DSC2: variants seen among roughly 807,000 people sequenced by gnomAD.
DSC2 encodes desmocollin-2.
A neutral mutation model predicts 87.6 loss-of-function variants in DSC2; 51 were observed. The ratio of observed to expected loss-of-function variants is 0.58; its 90% CI spans 0.46 to 0.74. The LOEUF is 0.74. DSC2 is among the 30% of genes least tolerant of loss of function. The pLI is 0.00. For missense variants in DSC2, 1,066 were observed against 1,089.5 expected, an observed-to-expected ratio of 0.98 and a Z score of 0.30; for synonymous variants, 383 against 393.2, an observed-to-expected ratio of 0.97 and a Z score of 0.31.
chr18:31,091,944 G>T (rs967158775), intron 3 of DSC2, among the ~76,000 whole-genome samples, 157 bp downstream of exon 3: 4 of 152,148 alleles, frequency 2.6e-5, no homozygotes, highest in African/African-American at 9.7e-5. Context: ...ATGTGACACA[G>T]CCCTTTTCCT....
At chr18:31,087,834 G>A in intron 5 of DSC2, 21 bp from the exon 6 acceptor site, 1 of 1,612,536 alleles carries the variant, frequency 6.2e-7, no homozygotes, top group Non-Finnish European at 8.5e-7. Flanking sequence ...AGTAAAATAA[G>A]GAGAAAAGTG....
At chr18:31,092,037 C>A in intron 3 of DSC2, 64 bp downstream of exon 3, 1 of 1,501,464 alleles carries the variant, frequency 6.7e-7, no homozygotes. Flanking sequence ...TCATATCTTC[C>A]CTGGTAATGT....
At chr18:31,070,636 G>T (rs759031428) in intron 14 of DSC2, 90 bp downstream of exon 14, 32 of 1,582,058 alleles carry the variant, frequency 2.0e-5, no homozygotes, top group Non-Finnish European at 2.6e-5. Flanking sequence ...GATACCAAAA[G>T]AACTTTTCTG....
At chr18:31,074,945 T>C (rs1454372534) in intron 11 of DSC2, 38 bp from the exon 12 acceptor site, 18 of 1,566,314 alleles carry the variant, frequency 1.1e-5, no homozygotes, top group African/African-American at 4.1e-5. Flanking sequence ...TTCTATGTTT[T>C]GAGTTTTCAC....
At chr18:31,093,509 T>C (rs576287978) in intron 2 of DSC2, 50 bp downstream of exon 2, 10 of 1,428,460 alleles carry the variant, frequency 7.0e-6, no homozygotes, top group African/African-American at 1.4e-5. Flanking sequence ...CCATGGCGTA[T>C]ATGTACCACA....
chr18:31,076,496 T>C (rs1171572827), intron 11 of DSC2, among the ~76,000 whole-genome samples: 1 of 152,202 alleles, frequency 6.6e-6, no homozygotes, highest in Non-Finnish European at 1.5e-5. Context: ...AAAAGATTAA[T>C]TCATTCTATC....
intron 11 of DSC2, 93 bp downstream of exon 11, chr18:31,079,754 T>A: frequency 6.9e-7 from 1 of 1,441,734 alleles, no homozygotes; most frequent in African/African-American, 1.4e-5. Context: ...ACAGAGTGCA[T>A]GTATCCAGCT....
In DSC2 at chr18:31,102,055, A is replaced by C. The variant is rs1175945344; in HGVS notation, c.-84T>G. On this transcript the variant is annotated 5_prime_UTR_variant, in exon 1 of 16. Coordinates refer to ENST00000280904, the MANE Select transcript of DSC2 (RefSeq NM_024422.6). ...GGGGCGAGGGCCGCGGCCGGAGCGC[A>C]GTCTGGGCCCGCTGCTCAGGAGGAG... The C allele has an allele frequency of 8.3e-7, 1 of 1,206,252 alleles. No homozygotes were observed. Among genetic ancestry groups the C allele is most frequent in the Non-Finnish European group, 1.1e-6 (1 of 921,560 alleles). The allele number at this position is 1,206,252 out of a possible 1,614,324, so 74.7% of individuals were successfully genotyped here. A position where few individuals can be genotyped will look rare whatever the true frequency, so the allele number is the denominator to read the frequency against.
intron 11 of DSC2, among the ~76,000 whole-genome samples, chr18:31,077,448 T>C (rs892701913): frequency 1.1e-4 from 16 of 152,220 alleles, no homozygotes; most frequent in African/African-American, 3.6e-4. Flanking sequence ...CTGAACTCTA[T>C]AGTGCTTGCT....
chr18:31,062,374 C>T lies in DSC2; in HGVS notation c.*5641G>A, dbSNP rs941614651. The T allele has an allele frequency of 6.8e-6, 1 of 146,564 alleles. No homozygotes were observed. The highest frequency in any genetic ancestry group is 2.6e-5 in the African/African-American group (1 of 39,212). 9.1% of individuals were successfully genotyped at this position (146,564 alleles called of 1,614,324 possible). On this transcript the variant is annotated 3_prime_UTR_variant, in exon 16 of 16. Coordinates refer to ENST00000280904, the MANE Select transcript of DSC2 (RefSeq NM_024422.6). ...TAAGTGGTTTTTAGTTGCTTTTCCT[C>T]AGGTGGTTAGAGAGTGGCCTTTTGG...
intron 8 of DSC2, 114 bp from the exon 9 acceptor site, chr18:31,082,537 G>A (rs1024386428): frequency 3.0e-6 from 3 of 983,868 alleles, no homozygotes; most frequent in Admixed American, 2.0e-5. Context: ...TACATGATTT[G>A]AAACCCTAGC....
chr18:31,101,265 T>TCCCCACCCCCCCCCCC, intron 1 of DSC2: 3 of 983,176 alleles, frequency 3.1e-6, no homozygotes, highest in Non-Finnish European at 3.6e-6. Context: ...AGGGTCAAGA[T>TCCCCACCCCCCCCCCC]CCCCTCCCCC....
chr18:31,101,589 C>A lies in DSC2; in HGVS notation c.69+314G>T, dbSNP rs543741524. On this transcript the variant is annotated intron_variant, in intron 1 of 15. Transcript: ENST00000280904. The stretch of plus-strand genomic sequence containing the variant: ...ACCCCGGCGCACTCCCGCCCCGGCG[C>A]ACCCTGCTCCCCGGCGCGTACCCAG... 11 of 349,418 alleles carry A rather than the reference C, an allele frequency of 3.1e-5. No homozygotes were observed. In the South Asian group the frequency reaches 5.1e-4, roughly 16 times the overall value. The allele number at this position is 349,418 out of a possible 1,614,324, so 21.6% of individuals were successfully genotyped here.
intron 5 of DSC2, among the ~76,000 whole-genome samples, chr18:31,088,378 C>A (rs1344596022): frequency 6.6e-6 from 1 of 152,096 alleles, no homozygotes; most frequent in Admixed American, 6.5e-5. Context: ...TGGTGGAATA[C>A]AGTTTAATTT....
chr18:31,092,159 G>T lies in DSC2; in HGVS notation c.296C>A (p.Ser99Tyr), dbSNP rs1191093439. The T allele has an allele frequency of 2.5e-6, 4 of 1,613,282 alleles. No homozygotes were observed. The highest frequency in any genetic ancestry group is 2.7e-5 in the African/African-American group (2 of 74,862). ...SEKRSFTILL[S>Y]NTENQEKKKI... Reference sequence around the variant, plus strand: ...CTTCTTTTCTTGGTTCTCAGTGTTGGAAAGTAATATGGTAAAACTTCTCTT... The same window carrying T: ...CTTCTTTTCTTGGTTCTCAGTGTTGTAAAGTAATATGGTAAAACTTCTCTT... The change falls in exon 3 of 16, where the codon TCC (serine) becomes TAC (tyrosine). Residue 99 changes from serine to tyrosine, a missense_variant. Physicochemically the swap from Ser to Tyr is moderately radical, Grantham distance 144. Transcript: ENST00000280904.
intron 2 of DSC2, among the ~76,000 whole-genome samples, 192 bp downstream of exon 2, chr18:31,093,367 A>G (rs1276732099): frequency 2.0e-5 from 3 of 152,056 alleles, no homozygotes; most frequent in African/African-American, 7.2e-5. Flanking sequence ...CTCAGCTCCC[A>G]CTTATAAGTG....
chr18:31,074,541 CCTA>C, intron 12 of DSC2, 139 bp downstream of exon 12: 1 of 768,050 alleles, frequency 1.3e-6, no homozygotes, highest in Non-Finnish European at 2.1e-6. Flanking sequence ...ACTAGAGAGA[CCTA>C]CTCCCAACAC....
rs534546125 is a variant in DSC2 at position 31,099,846 on chromosome 18, G to A, written c.69+2057C>T. On this transcript the variant is annotated intron_variant, in intron 1 of 15. Coordinates refer to ENST00000280904, the MANE Select transcript of DSC2 (RefSeq NM_024422.6). ...GTATATGGGAAGGAAGGAAGGTAAAGGATCCTACCCTCCTACCAAAGATAT... is the reference window on the plus strand; with the variant it reads ...GTATATGGGAAGGAAGGAAGGTAAAAGATCCTACCCTCCTACCAAAGATAT... 5.3e-5 allele frequency among the ~76,000 whole-genome samples: 8 copies of A among 152,000 alleles called. No individual in the cohort carries two copies. The East Asian group carries it at 1.4e-3, about 26-fold the overall frequency.
At position 31,060,592 on chromosome 18, in the gene DSC2, G is replaced by A. The variant is rs1196530182; in HGVS notation, c.*7423C>T. ...GTTGCTGCCTTCTGGACAGTCACTTGTTCCACCTGCTGTTGACCTTTCTAG... is the reference window on the plus strand; with the variant it reads ...GTTGCTGCCTTCTGGACAGTCACTTATTCCACCTGCTGTTGACCTTTCTAG... On this transcript the variant is annotated 3_prime_UTR_variant, in exon 16 of 16. Transcript: ENST00000280904. 6.6e-6 allele frequency: 1 copy of A among 152,164 alleles called. No individual in the cohort carries two copies. The highest frequency in any genetic ancestry group is 1.9e-4 in the East Asian group (1 of 5,186). The allele number at this position is 152,164 out of a possible 1,614,324, so 9.4% of individuals were successfully genotyped here. A position where few individuals can be genotyped will look rare whatever the true frequency, so the allele number is the denominator to read the frequency against.
Sources: allele counts gnomAD v4.1 joint callset (sites outside exome capture counted in the v4.1 genomes callset), GRCh38; gene constraint gnomAD v4.1.1; transcripts MANE v1.5; gene names NCBI Gene and HGNC (gene_info 2026-07-23, HGNC 2026-07-21).